Variants in ROBO2 observed in about 807,000 individuals in gnomAD.
The protein encoded by ROBO2 is roundabout homolog 2.
In ROBO2, 53 loss-of-function variants were observed where a neutral mutation model predicts 160.8. The observed-to-expected ratio is 0.33, with a 90% CI of 0.26 to 0.41. The LOEUF (loss-of-function observed/expected upper bound fraction) is 0.41, where lower values mean the gene tolerates loss of function less well. Among genes scored for constraint, ROBO2 ranks in the 10% least tolerant of loss-of-function variants. ROBO2 has a pLI of 1.00. For missense variants in ROBO2, 1,577 were observed against 1,722.4 expected (o/e 0.92, Z 1.49); for synonymous variants, 664 against 611.7 (o/e 1.09, Z -1.26).
intron 1 of ROBO2, among the ~76,000 whole-genome samples, chr3:75,934,688 T>G (rs1049105154): frequency 1.4e-4 from 22 of 152,190 alleles, no homozygotes; most frequent in Non-Finnish European, 2.6e-4. Context: ...AGGTTACATT[T>G]TTTTAAATTA....
At chr3:76,953,227 G>C (rs2079059640) in intron 2 of ROBO2, among the ~76,000 whole-genome samples, 1 of 152,058 alleles carries the variant, frequency 6.6e-6, no homozygotes, top group Admixed American at 6.6e-5. Flanking sequence ...CACACACAAA[G>C]AAAACTTTTG....
At chr3:75,924,408 A>T (rs1947196270) in intron 1 of ROBO2, among the ~76,000 whole-genome samples, 1 of 152,138 alleles carries the variant, frequency 6.6e-6, no homozygotes, top group South Asian at 2.1e-4. Flanking sequence ...GCTCAGGGGT[A>T]CATGTGGCCC....
intron 2 of ROBO2, among the ~76,000 whole-genome samples, chr3:77,420,010 T>C (rs951771646): frequency 1.3e-5 from 2 of 152,248 alleles, no homozygotes; most frequent in African/African-American, 4.8e-5. Context: ...TAAATGAACA[T>C]CCAGGGTAAT....
At chr3:76,350,609 A>G (rs1000733791) in intron 2 of ROBO2, among the ~76,000 whole-genome samples, 3 of 152,110 alleles carry the variant, frequency 2.0e-5, no homozygotes, top group African/African-American at 4.8e-5. Context: ...TAATATAATC[A>G]TTAATGACTT....
intron 2 of ROBO2, among the ~76,000 whole-genome samples, chr3:76,937,839 T>C (rs1052742634): frequency 6.6e-5 from 10 of 152,212 alleles, no homozygotes; most frequent in Admixed American, 1.3e-4. Flanking sequence ...TAAAGCTGGA[T>C]GGCCATCATT....
intron 2 of ROBO2, among the ~76,000 whole-genome samples, chr3:77,160,423 T>G (rs1242913108): frequency 6.6e-6 from 1 of 152,186 alleles, no homozygotes; most frequent in African/African-American, 2.4e-5. Context: ...TTTATGCAAT[T>G]CCATTCACAT....
intron 2 of ROBO2, among the ~76,000 whole-genome samples, chr3:76,466,001 GTGT>G (rs1559993525): frequency 1.0e-4 from 7 of 70,154 alleles, no homozygotes; most frequent in Non-Finnish European, 2.3e-4. Context: ...AAATATGGGT[GTGT>G]GTGTGTGTGT....
chr3:76,253,734 T>C (rs995992559), intron 2 of ROBO2, among the ~76,000 whole-genome samples: 2 of 151,680 alleles, frequency 1.3e-5, no homozygotes, highest in African/African-American at 4.8e-5. Context: ...CACTATTATA[T>C]GCTATTTTAA....
chr3:76,806,216 T>C (rs996841100), intron 2 of ROBO2, among the ~76,000 whole-genome samples: 3 of 146,186 alleles, frequency 2.1e-5, no homozygotes, highest in East Asian at 2.0e-4. Flanking sequence ...TCTGTGTGCG[T>C]GTGTGTGTGT....
chr3:76,228,010 T>C (rs1449785298), intron 2 of ROBO2, among the ~76,000 whole-genome samples: 1 of 152,206 alleles, frequency 6.6e-6, no homozygotes, highest in Non-Finnish European at 1.5e-5. Context: ...GCTATTTTCC[T>C]TTAAAGTATT....
intron 2 of ROBO2, among the ~76,000 whole-genome samples, chr3:75,972,506 A>C (rs577198469): frequency 3.3e-5 from 5 of 151,822 alleles, no homozygotes; most frequent in Non-Finnish European, 7.4e-5. Flanking sequence ...TTGTGCTGCC[A>C]GCTTGACTTA....
intron 2 of ROBO2, among the ~76,000 whole-genome samples, chr3:77,370,147 A>C (rs1319142693): frequency 1.3e-5 from 2 of 152,224 alleles, no homozygotes; most frequent in Non-Finnish European, 2.9e-5. Context: ...AAAAAGGCAC[A>C]AAAAGGGGAA....
intron 2 of ROBO2, among the ~76,000 whole-genome samples, chr3:76,261,168 ATGTGTG>A (rs66742168): frequency 2.1e-4 from 26 of 122,852 alleles, no homozygotes; most frequent in African/African-American, 5.4e-4. Flanking sequence ...AAACTAAATT[ATGTGTG>A]TGTGTGTGTG....
intron 2 of ROBO2, among the ~76,000 whole-genome samples, chr3:76,000,513 G>T (rs1215089331): frequency 7.1e-6 from 1 of 140,610 alleles, no homozygotes; most frequent in African/African-American, 2.6e-5. Flanking sequence ...TTTTTTGACG[G>T]ACTCTCACTC....
At chr3:77,002,130 A>G (rs1486343514) in intron 2 of ROBO2, among the ~76,000 whole-genome samples, 4 of 152,248 alleles carry the variant, frequency 2.6e-5, no homozygotes, top group South Asian at 2.1e-4. Flanking sequence ...ATTAACATTT[A>G]TAGTACTAAA....
At chr3:76,962,863 G>A (rs1413099498) in intron 2 of ROBO2, among the ~76,000 whole-genome samples, 1 of 152,098 alleles carries the variant, frequency 6.6e-6, no homozygotes, top group Non-Finnish European at 1.5e-5. Flanking sequence ...TCCTATTGCT[G>A]TCCACAGTCT....
At chr3:76,765,175 A>T (rs2061510237) in intron 2 of ROBO2, among the ~76,000 whole-genome samples, 1 of 151,720 alleles carries the variant, frequency 6.6e-6, no homozygotes, top group Admixed American at 6.6e-5. Flanking sequence ...TCAGTGCCCA[A>T]CTATATCTTG....
At chr3:77,037,575 G>A (rs2063713958), upstream of ROBO2, among the ~76,000 whole-genome samples, 1 of 152,150 alleles carries the variant, frequency 6.6e-6, no homozygotes, top group Non-Finnish European at 1.5e-5. Flanking sequence ...AACTTTCTAT[G>A]AATAGGGCAA....
intron 17 of ROBO2, among the ~76,000 whole-genome samples, chr3:77,591,366 G>T (rs185006035): frequency 1.7e-4 from 26 of 152,248 alleles, no homozygotes; most frequent in Non-Finnish European, 2.4e-4. Context: ...CACTCTGAAA[G>T]CTTCCTCACT....
Sources: gnomAD v4.1 joint callset for allele counts (sites outside exome capture counted in the v4.1 genomes callset) on GRCh38, gnomAD v4.1.1 for gene constraint, MANE v1.5 for transcripts, NCBI Gene and HGNC (gene_info 2026-07-23, HGNC 2026-07-21) for gene names.